CAMKMT: variants seen among roughly 807,000 people sequenced by gnomAD.
CAMKMT encodes calmodulin-lysine N-methyltransferase.
CAMKMT carries 53 observed loss-of-function variants against 48.0 expected under a neutral mutation model. The observed-to-expected ratio is 1.10, with a 90% CI of 0.89 to 1.39. The LOEUF (loss-of-function observed/expected upper bound fraction) is 1.39. Among genes scored for constraint, CAMKMT ranks in the 40% most tolerant of loss-of-function variants. The pLI is 0.00. For synonymous variants in CAMKMT, 165 were observed against 152.3 expected (o/e 1.08, Z -0.61); for missense variants, 428 against 402.7 (o/e 1.06, Z -0.54).
Position 44,577,797 on chromosome 2 carries a change from C to G in CAMKMT, c.377-126486C>G, listed in dbSNP as rs150349540. Among the ~76,000 whole-genome samples the G allele has an allele frequency of 5.9e-3, 896 of 152,144 alleles. 4 individuals are homozygous for G. The highest frequency in any genetic ancestry group is 0.01 in the Non-Finnish European group (711 of 68,004). On this transcript the variant is annotated intron_variant, in intron 3 of 10. Coordinates refer to ENST00000378494, the MANE Select transcript of CAMKMT (RefSeq NM_024766.5). Reference sequence around the variant, plus strand: ...GCTCTTATCAACCAGAGGCTGGGAACAGGGGGCTGCAGTGGACCCAATTAA... The same window carrying G: ...GCTCTTATCAACCAGAGGCTGGGAAGAGGGGGCTGCAGTGGACCCAATTAA...
intron 3 of CAMKMT, among the ~76,000 whole-genome samples, chr2:44,407,245 G>A (rs761088672): frequency 1.3e-5 from 2 of 152,142 alleles, no homozygotes; most frequent in Non-Finnish European, 2.9e-5. Flanking sequence ...ACAGCTTTCA[G>A]CAGACTTTGC....
intron 7 of CAMKMT, among the ~76,000 whole-genome samples, chr2:44,735,276 C>T (rs907255239): frequency 5.9e-5 from 9 of 152,316 alleles, no homozygotes; most frequent in Middle Eastern, 3.4e-3. Context: ...ACATGTACTT[C>T]GGTCTAGCTG....
At chr2:44,611,358 G>A (rs1353628289) in intron 3 of CAMKMT, among the ~76,000 whole-genome samples, 1 of 151,940 alleles carries the variant, frequency 6.6e-6, no homozygotes, top group Non-Finnish European at 1.5e-5. Flanking sequence ...ACTTGAACCT[G>A]GGAGGCAGAG....
intron 3 of CAMKMT, among the ~76,000 whole-genome samples, chr2:44,466,274 G>A (rs1274070447): frequency 6.6e-6 from 1 of 152,044 alleles, no homozygotes; most frequent in Non-Finnish European, 1.5e-5. Context: ...ATCATGTTAG[G>A]CCATCAAAAG....
intron 6 of CAMKMT, 39 bp from the exon 7 acceptor site, chr2:44,715,248 C>A (rs138641231): frequency 1.5e-6 from 2 of 1,360,076 alleles, no homozygotes; most frequent in Non-Finnish European, 2.0e-6. Flanking sequence ...TTGGTCACTT[C>A]ACAATCAGTG....
chr2:44,566,667 A>T (rs1042296227), intron 3 of CAMKMT, among the ~76,000 whole-genome samples: 12 of 152,238 alleles, frequency 7.9e-5, no homozygotes, highest in Non-Finnish European at 1.5e-5. Flanking sequence ...CATAGGAAGG[A>T]GGTTAAGAAG....
intron 3 of CAMKMT, among the ~76,000 whole-genome samples, chr2:44,538,159 G>A (rs1234349821): frequency 6.6e-6 from 1 of 151,948 alleles, no homozygotes; most frequent in Non-Finnish European, 1.5e-5. Flanking sequence ...CACGAGGTCA[G>A]GTGTTCAAGA....
intron 3 of CAMKMT, among the ~76,000 whole-genome samples, chr2:44,579,866 T>A (rs1669450828): frequency 6.7e-6 from 1 of 150,190 alleles, no homozygotes; most frequent in South Asian, 2.1e-4. Flanking sequence ...CATACCCTTG[T>A]ATAAATGATT....
chr2:44,404,709 A>G (rs1682659407), intron 3 of CAMKMT, among the ~76,000 whole-genome samples: 1 of 151,936 alleles, frequency 6.6e-6, no homozygotes, highest in South Asian at 2.1e-4. Context: ...CACTTAATAT[A>G]CCTGTGTGCC....
At chr2:44,513,900 A>G (rs1027726847) in intron 3 of CAMKMT, among the ~76,000 whole-genome samples, 1 of 152,120 alleles carries the variant, frequency 6.6e-6, no homozygotes, top group African/African-American at 2.4e-5. Flanking sequence ...CAGGAGTTCA[A>G]GACCAGCCTG....
intron 3 of CAMKMT, among the ~76,000 whole-genome samples, chr2:44,438,536 G>C (rs1180560369): frequency 6.6e-6 from 1 of 152,088 alleles, no homozygotes; most frequent in South Asian, 2.1e-4. Context: ...ACATAACATT[G>C]CTTAAGTTTA....
intron 3 of CAMKMT, among the ~76,000 whole-genome samples, chr2:44,541,887 G>A (rs942225620): frequency 6.6e-6 from 1 of 152,104 alleles, no homozygotes; most frequent in African/African-American, 2.4e-5. Flanking sequence ...CTCAGCATTT[G>A]GGAGGCTGAG....
chr2:44,458,322 C>T (rs1188150557), intron 3 of CAMKMT, among the ~76,000 whole-genome samples: 2 of 152,142 alleles, frequency 1.3e-5, no homozygotes, highest in African/African-American at 4.8e-5. Flanking sequence ...GCTGGGATAA[C>T]AGGTGTGAGC....
chr2:44,744,071 A>C (rs1679821386), intron 8 of CAMKMT, among the ~76,000 whole-genome samples: 1 of 152,236 alleles, frequency 6.6e-6, no homozygotes, highest in Admixed American at 6.5e-5. Context: ...CTTACTTCTT[A>C]GGAGAGATCT....
intron 3 of CAMKMT, among the ~76,000 whole-genome samples, chr2:44,429,305 G>A (rs1353519722): frequency 1.4e-5 from 2 of 138,512 alleles, no homozygotes; most frequent in African/African-American, 5.2e-5. Flanking sequence ...GTGTGTGTGT[G>A]TGTATGTCTT....
intron 3 of CAMKMT, among the ~76,000 whole-genome samples, chr2:44,621,155 C>T (rs1348687447): frequency 6.7e-6 from 1 of 149,226 alleles, no homozygotes; most frequent in Non-Finnish European, 1.5e-5. Flanking sequence ...GTAGTCCCAG[C>T]TATTTGGGAG....
At chr2:44,475,548 C>T (rs1051816324) in intron 3 of CAMKMT, among the ~76,000 whole-genome samples, 1 of 152,072 alleles carries the variant, frequency 6.6e-6, no homozygotes, top group African/African-American at 2.4e-5. Context: ...GATCTCTTCA[C>T]CTTGTGATCC....
At chr2:44,704,201 T>A (rs1677416832) in intron 3 of CAMKMT, 82 bp from the exon 4 acceptor site, 1 of 1,023,476 alleles carries the variant, frequency 9.8e-7, no homozygotes, top group Non-Finnish European at 1.5e-6. Flanking sequence ...TGAAATAGCT[T>A]GTACTGAACA....
At chr2:44,605,614 AAAAG>A (rs762157183) in intron 3 of CAMKMT, among the ~76,000 whole-genome samples, 2 of 152,160 alleles carry the variant, frequency 1.3e-5, no homozygotes, top group Non-Finnish European at 2.9e-5. Flanking sequence ...TTAAGAATCA[AAAAG>A]AACTGAAAGA....
Sources: allele counts gnomAD v4.1 joint callset (sites outside exome capture counted in the v4.1 genomes callset), GRCh38; gene constraint gnomAD v4.1.1; transcripts MANE v1.5; gene names NCBI Gene and HGNC (gene_info 2026-07-23, HGNC 2026-07-21).